Variants in IGF1R observed in about 807,000 individuals in gnomAD.
IGF1R encodes insulin like growth factor 1 receptor.
In IGF1R, 44 loss-of-function variants were observed where a neutral mutation model predicts 144.6. The ratio of observed to expected loss-of-function variants is 0.30; its 90% confidence interval spans 0.24 to 0.39. The LOEUF is 0.39. IGF1R is among the 10% of genes least tolerant of loss of function. The pLI, the probability that IGF1R is intolerant of heterozygous loss-of-function variation, is 1.00. For synonymous variants in IGF1R, 795 were observed against 722.8 expected (o/e 1.10, Z -1.60); for missense variants, 1,355 against 1,833.7 (o/e 0.74, Z 4.77).
intron 2 of IGF1R, among the ~76,000 whole-genome samples, chr15:98,807,667 A>C (rs2056498178): frequency 6.6e-6 from 1 of 152,246 alleles, no homozygotes; most frequent in Non-Finnish European, 1.5e-5. Flanking sequence ...TGTGAGGTTT[A>C]AATGAGCTAA....
rs2141154076 is a variant in IGF1R, at chr15:98,649,360, C to T, written c.-222C>T. ...TCCGCCGAGCCCTGGGCCGCTGCTGCCGGCGCTGAGGGGCCGCCCCGCGCC... is the reference window on the plus strand; with the variant it reads ...TCCGCCGAGCCCTGGGCCGCTGCTGTCGGCGCTGAGGGGCCGCCCCGCGCC... On this transcript the variant is annotated 5_prime_UTR_variant, in exon 1 of 21. Transcript: ENST00000650285. 2 of 239,128 alleles carry T rather than the reference C, an allele frequency of 8.4e-6. No individual in the cohort carries two copies. Among genetic ancestry groups the T allele is most frequent in the East Asian group, 6.6e-5 (1 of 15,048 alleles). The allele number at this position is 239,128 out of a possible 1,614,324, so 14.8% of individuals were successfully genotyped here.
At chr15:98,741,549 T>A (rs1378842122) in intron 2 of IGF1R, among the ~76,000 whole-genome samples, 1 of 152,188 alleles carries the variant, frequency 6.6e-6, no homozygotes, top group Non-Finnish European at 1.5e-5. Context: ...TCTCTGAGAA[T>A]AAATTGCCAA....
chr15:98,649,567 TC>T lies in IGF1R; in HGVS notation c.-12del, dbSNP rs754089730. 1 of 1,133,724 alleles carries T rather than the reference TC, an allele frequency of 8.8e-7. No homozygotes were observed. The highest frequency in any genetic ancestry group is 1.3e-6 in the Non-Finnish European group (1 of 767,372). The allele number at this position is 1,133,724 out of a possible 1,614,324, so 70.2% of individuals were successfully genotyped here. On this transcript the variant is annotated 5_prime_UTR_variant, in exon 1 of 21. Coordinates refer to ENST00000650285, the MANE Select transcript of IGF1R (RefSeq NM_000875.5). ...TTTTTTTTGAGAAAGGGGAATTTCA[TC>T]CCAAATAAAAGGAATGAAGTCTGGC...
intron 2 of IGF1R, among the ~76,000 whole-genome samples, chr15:98,835,080 TACACACACACACACAC>T (rs34443123): frequency 3.1e-5 from 4 of 130,440 alleles, no homozygotes; most frequent in East Asian, 4.4e-4. Flanking sequence ...ACACCCCCCC[TACACACACACACACAC>T]ACACACACAC....
At chr15:98,799,179 A>T (rs571949402) in intron 2 of IGF1R, among the ~76,000 whole-genome samples, 1 of 152,176 alleles carries the variant, frequency 6.6e-6, no homozygotes, top group Non-Finnish European at 1.5e-5. Context: ...ATCTGTATTC[A>T]TTATATCTGT....
chr15:98,711,853 G>A (rs2054001290), intron 2 of IGF1R, among the ~76,000 whole-genome samples: 1 of 152,194 alleles, frequency 6.6e-6, no homozygotes, highest in South Asian at 2.1e-4. Context: ...TCTGGAGGCT[G>A]GAAGTCCAAG....
At chr15:98,750,447 C>T (rs971718227) in intron 2 of IGF1R, among the ~76,000 whole-genome samples, 1 of 152,206 alleles carries the variant, frequency 6.6e-6, no homozygotes, top group Non-Finnish European at 1.5e-5. Flanking sequence ...TGTCCAAGAG[C>T]AGAGTTGGAG....
At position 98,908,858 on chromosome 15, in the gene IGF1R, A is replaced by G; in HGVS notation, c.1421A>G (p.Lys474Arg). The G allele has an allele frequency of 6.2e-7, 1 of 1,614,136 alleles. No individual in the cohort carries two copies. Among genetic ancestry groups the G allele is most frequent in the Non-Finnish European group, 8.5e-7 (1 of 1,179,998 alleles). The stretch of plus-strand genomic sequence containing the variant: ...ACGGGGACTAAAGGGCGCCAAAGCA[A>G]AGGGGACATAAACACCAGGAACAAC... ...EVTGTKGRQS[K>R]GDINTRNNGE... Residue 474 changes from lysine (K) to arginine (R), a missense_variant, in exon 6 of 21, where the codon AAA (lysine) becomes AGA (arginine). By Grantham distance (26) the Lys-to-Arg change is conservative. Coordinates refer to ENST00000650285, the MANE Select transcript of IGF1R (RefSeq NM_000875.5).
intron 1 of IGF1R, among the ~76,000 whole-genome samples, chr15:98,653,932 C>G (rs567140419): frequency 6.6e-6 from 1 of 152,330 alleles, no homozygotes; most frequent in African/African-American, 2.4e-5. Flanking sequence ...CTGTAAGAAG[C>G]AACTGAATCC....
In IGF1R at chr15:98,935,132, G is replaced by A. The variant is rs867293362; in HGVS notation, c.3186+79G>A. ...CAAGCCTCCCAGTATGTTCTTGGCT[G>A]CATGTACCCGTGGGTTTGGTGTCTT... On this transcript the variant is annotated intron_variant, in intron 16 of 20. Coordinates refer to ENST00000650285, the MANE Select transcript of IGF1R (RefSeq NM_000875.5). This position sits in a 1 kb window ranked among gnomAD's most constrained non-coding sequence, Gnocchi z 4.2. 2.3e-5 allele frequency: 29 copies of A among 1,248,918 alleles called. No individual in the cohort carries two copies. Among genetic ancestry groups the A allele is most frequent in the South Asian group, 4.9e-5 (4 of 80,836 alleles). The allele number at this position is 1,248,918 out of a possible 1,614,324, so 77.4% of individuals were successfully genotyped here. A position where few individuals can be genotyped will look rare whatever the true frequency, so the allele number is the denominator to read the frequency against.
chr15:98,653,413 AAGTGGT>A (rs1356476466), intron 1 of IGF1R, among the ~76,000 whole-genome samples: 1 of 152,238 alleles, frequency 6.6e-6, no homozygotes, highest in African/African-American at 2.4e-5. Context: ...CATTGACCAC[AAGTGGT>A]AGTAAGGACT....
At chr15:98,918,330 G>T (rs1220237643) in intron 10 of IGF1R, among the ~76,000 whole-genome samples, 1 of 152,124 alleles carries the variant, frequency 6.6e-6, no homozygotes. Context: ...GCCTGTAGCG[G>T]CTATTTATTC....
At chr15:98,768,702 G>A (rs1213341775) in intron 2 of IGF1R, among the ~76,000 whole-genome samples, 2 of 138,384 alleles carry the variant, frequency 1.4e-5, no homozygotes, top group South Asian at 2.3e-4. Context: ...GGCAGATCAC[G>A]AGGTCAGGAG....
intron 2 of IGF1R, among the ~76,000 whole-genome samples, chr15:98,868,207 C>T (rs1341304776): frequency 6.7e-6 from 1 of 150,020 alleles, no homozygotes; most frequent in Non-Finnish European, 1.5e-5. Flanking sequence ...AAAATCAGAG[C>T]GTGGTGGTGC....
intron 3 of IGF1R, among the ~76,000 whole-genome samples, chr15:98,895,443 G>A (rs1327729932): frequency 6.6e-6 from 1 of 151,904 alleles, no homozygotes; most frequent in Non-Finnish European, 1.5e-5. Flanking sequence ...AAGTTTATAG[G>A]GTATGTAGAT....
At chr15:98,814,900 A>G (rs1030193406) in intron 2 of IGF1R, among the ~76,000 whole-genome samples, 8 of 152,204 alleles carry the variant, frequency 5.3e-5, no homozygotes, top group African/African-American at 1.9e-4. Flanking sequence ...TCTGTGGGGG[A>G]AAATCAAACT....
At chr15:98,872,843 TAAA>T (rs79018028) in intron 2 of IGF1R, among the ~76,000 whole-genome samples, 1 of 140,230 alleles carries the variant, frequency 7.1e-6, no homozygotes, top group East Asian at 2.3e-4. Flanking sequence ...TAAAACCAAT[TAAA>T]AAAAAAAACA....
Position 98,961,196 on chromosome 15 carries a change from C to G in IGF1R, c.*3754C>G, listed in dbSNP as rs1187644118. ...TTTGTTCTTCCACACTGTAGGTGAC[C>G]CCTTGGAATAACGGCCTCTCCTCTC... On this transcript the variant is annotated 3_prime_UTR_variant, in exon 21 of 21. Coordinates refer to ENST00000650285, the MANE Select transcript of IGF1R (RefSeq NM_000875.5). 4.3e-6 allele frequency: 1 copy of G among 233,596 alleles called. No individual in the cohort carries two copies. Among genetic ancestry groups the G allele is most frequent in the South Asian group, 1.8e-4 (1 of 5,532 alleles). 14.5% of individuals were successfully genotyped at this position (233,596 alleles called of 1,614,324 possible).
intron 1 of IGF1R, among the ~76,000 whole-genome samples, chr15:98,682,229 C>T (rs1044167430): frequency 1.2e-4 from 19 of 152,088 alleles, no homozygotes; most frequent in Admixed American, 5.9e-4. Context: ...CTTTGGTCTC[C>T]TATGGTTATC....
Sources: gnomAD v4.1 joint callset for allele counts (sites outside exome capture counted in the v4.1 genomes callset) on GRCh38, gnomAD v4.1.1 for gene constraint, Gnocchi (gnomAD v3.1) non-coding constraint, MANE v1.5 for transcripts, NCBI Gene and HGNC (gene_info 2026-07-23, HGNC 2026-07-21) for gene names.